The following SPATA13 variants were observed in gnomAD, a reference collection of about 807,000 sequenced individuals.
SPATA13 encodes spermatogenesis-associated protein 13.
A neutral mutation model predicts 104.0 loss-of-function variants in SPATA13; 50 were observed. That is an observed-to-expected ratio of 0.48 (90% CI 0.38 to 0.61). The LOEUF (loss-of-function observed/expected upper bound fraction) is 0.61. Among genes scored for constraint, SPATA13 ranks in the 20% least tolerant of loss-of-function variants. The pLI is 0.00. For missense variants in SPATA13, 1,524 were observed against 1,690.6 expected (o/e 0.90, Z 1.73); for synonymous variants, 606 against 667.5 (o/e 0.91, Z 1.42).
At chr13:24,125,777 G>A (rs1881193313) in intron 3 of SPATA13, among the ~76,000 whole-genome samples, 2 of 152,186 alleles carry the variant, frequency 1.3e-5, no homozygotes, top group Non-Finnish European at 2.9e-5. Context: ...GGAGCAAAAA[G>A]GAACCAGGAG....
chr13:24,093,381 A>G (rs1319622236), intron 3 of SPATA13, among the ~76,000 whole-genome samples: 1 of 152,104 alleles, frequency 6.6e-6, no homozygotes, highest in African/African-American at 2.4e-5. Flanking sequence ...CTCTATCACC[A>G]TTTGCCATTT....
intron 1 of SPATA13, among the ~76,000 whole-genome samples, chr13:24,192,233 C>G (rs1284402418): frequency 6.6e-6 from 1 of 152,202 alleles, no homozygotes; most frequent in Non-Finnish European, 1.5e-5. Flanking sequence ...AGGGACCCCC[C>G]TCCCCCCACA....
chr13:24,162,961 A>C (rs542527567), intron 1 of SPATA13, among the ~76,000 whole-genome samples: 1 of 152,352 alleles, frequency 6.6e-6, no homozygotes, highest in African/African-American at 2.4e-5. Context: ...CATGAATTCT[A>C]TACCTGTAGG....
intron 3 of SPATA13, among the ~76,000 whole-genome samples, chr13:24,113,524 G>C (rs1280024600): frequency 6.6e-6 from 1 of 151,156 alleles, no homozygotes; most frequent in Non-Finnish European, 1.5e-5. Flanking sequence ...GAATCGCTAA[G>C]ATAAGTAAAG....
At chr13:24,249,283 A>G (rs943867640) in intron 2 of SPATA13, among the ~76,000 whole-genome samples, 194 bp from the exon 3 acceptor site, 6 of 152,222 alleles carry the variant, frequency 3.9e-5, no homozygotes, top group Non-Finnish European at 8.8e-5. Flanking sequence ...ATCAGCCTAT[A>G]AGAATAGATT....
rs1871672908 is a variant in SPATA13, at chr13:24,222,856, G to A, written c.-74G>A. The A allele has an allele frequency of 6.5e-7, 1 of 1,538,538 alleles. No homozygotes were observed. The highest frequency in any genetic ancestry group is 8.8e-7 in the Non-Finnish European group (1 of 1,139,050). ...CAGGAGCCCGATGTGCAAGGCAGGT[G>A]TGAGTGCCAGGACGGCATTCCTGGA... On this transcript the variant is annotated 5_prime_UTR_variant, in exon 2 of 13. It adds an upstream start codon to the 5' untranslated region. Coordinates refer to ENST00000382108, the MANE Select transcript of SPATA13 (RefSeq NM_001166271.3).
At chr13:24,105,327 C>T (rs958011833) in intron 3 of SPATA13, among the ~76,000 whole-genome samples, 4 of 151,786 alleles carry the variant, frequency 2.6e-5, no homozygotes, top group African/African-American at 7.3e-5. Context: ...GGGGTAGAGA[C>T]GGGGATCTGC....
chr13:24,294,689 C>T (rs1317491353), intron 9 of SPATA13, 50 bp from the exon 10 acceptor site: 5 of 1,536,894 alleles, frequency 3.3e-6, no homozygotes, highest in Admixed American at 1.8e-5. Context: ...TGCCAGTCCT[C>T]ATTTGTAAGG....
chr13:24,134,394 G>A lies in SPATA13; in HGVS notation c.-111-88425G>A, dbSNP rs548579598. ...TGCTCAGGGCATCGAACAAGCCCCC[G>A]GCTGACTTCTTGCTGTTGTTTATCA... On this transcript the variant is annotated intron_variant, in intron 3 of 14. Coordinates refer to the SPATA13 transcript ENST00000424834. Among the ~76,000 whole-genome samples, 3 of 152,278 alleles carry A rather than the reference G, an allele frequency of 2.0e-5. No individual in the cohort carries two copies. In the East Asian group the frequency reaches 5.8e-4, roughly 29 times the overall value.
At chr13:24,022,519 A>G (rs190169008) in intron 3 of SPATA13, among the ~76,000 whole-genome samples, 6 of 152,354 alleles carry the variant, frequency 3.9e-5, no homozygotes, top group Admixed American at 3.9e-4. Context: ...TTGCAAGACA[A>G]AAACCTTCTG....
At chr13:23,987,946 CTT>C (rs1302233254) in intron 2 of SPATA13, among the ~76,000 whole-genome samples, 19 of 142,184 alleles carry the variant, frequency 1.3e-4, no homozygotes, top group Middle Eastern at 3.6e-3. Context: ...TTTTGTTTCT[CTT>C]TTTTTTTTTT....
rs369692310 is a variant in SPATA13, at chr13:24,199,285, G to A, written c.-111-23534G>A. Among the ~76,000 whole-genome samples the A allele has an allele frequency of 8.5e-5, 13 of 152,290 alleles. 1 individual carries two copies. Among genetic ancestry groups the A allele is most frequent in the South Asian group, 4.1e-4 (2 of 4,830 alleles). Reference sequence around the variant, plus strand: ...ATGTTTGCCAGCCGCTGAGCTCTTCGGAAGGTGGGAAGCTGGGAAGACTGA... The same window carrying A: ...ATGTTTGCCAGCCGCTGAGCTCTTCAGAAGGTGGGAAGCTGGGAAGACTGA... On this transcript the variant is annotated intron_variant, in intron 1 of 12. Coordinates refer to ENST00000382108, the MANE Select transcript of SPATA13 (RefSeq NM_001166271.3).
At chr13:24,125,558 A>G (rs531304298) in intron 3 of SPATA13, among the ~76,000 whole-genome samples, 1 of 152,240 alleles carries the variant, frequency 6.6e-6, no homozygotes, top group South Asian at 2.1e-4. Flanking sequence ...TCACCAACCA[A>G]GTGGTTTAAG....
chr13:24,093,585 G>A (rs2137793733), intron 3 of SPATA13, among the ~76,000 whole-genome samples: 2 of 152,282 alleles, frequency 1.3e-5, no homozygotes, highest in East Asian at 1.9e-4. Flanking sequence ...AATCTGATTG[G>A]TTTGTTTCTT....
intron 4 of SPATA13, chr13:24,252,698 T>G (rs1873562305): frequency 6.6e-6 from 1 of 152,214 alleles, no homozygotes; most frequent in South Asian, 2.1e-4. Context: ...ATGTTTTAAT[T>G]TTAGCGTTCT....
At chr13:24,108,560 C>T (rs1043483524) in intron 3 of SPATA13, among the ~76,000 whole-genome samples, 1 of 152,162 alleles carries the variant, frequency 6.6e-6, no homozygotes, top group African/African-American at 2.4e-5. Flanking sequence ...GGACACTCAC[C>T]CTTGCAGCCA....
At chr13:24,122,858 A>G in intron 3 of SPATA13, 4 of 773,414 alleles carry the variant, frequency 5.2e-6, no homozygotes, top group Non-Finnish European at 9.6e-6. Flanking sequence ...ATTCTAAGAC[A>G]TGCTGTTGTA....
chr13:24,122,455 C>G, intron 3 of SPATA13: 1 of 1,606,056 alleles, frequency 6.2e-7, no homozygotes, highest in South Asian at 1.1e-5. Flanking sequence ...TCCATCTTCA[C>G]CAGCCTGCTT....
intron 3 of SPATA13, among the ~76,000 whole-genome samples, chr13:24,032,434 C>T (rs926473801): frequency 2.0e-5 from 3 of 152,294 alleles, no homozygotes; most frequent in Non-Finnish European, 2.9e-5. Context: ...TTATTCTTAA[C>T]AACCACTCAT....
Sources: gnomAD v4.1 joint callset for allele counts (sites outside exome capture counted in the v4.1 genomes callset) on GRCh38, gnomAD v4.1.1 for gene constraint, MANE v1.5 for transcripts, NCBI Gene and HGNC (gene_info 2026-07-23, HGNC 2026-07-21) for gene names.